The following NALF1 variants were observed in gnomAD, a reference collection of about 807,000 sequenced individuals.
NALF1 encodes family with sequence similarity 155 member A.
In NALF1, 3 loss-of-function variants were observed where a neutral mutation model predicts 48.4. That is an observed-to-expected ratio of 0.06 (90% CI 0.03 to 0.16). The LOEUF is 0.16. Ranked by LOEUF, NALF1 falls within the 10% of genes least tolerant of loss-of-function variation. The probability of loss-of-function intolerance (pLI) is 1.00; values close to 1 mark genes in which losing one functional copy is unlikely to be tolerated. For missense variants in NALF1, 526 were observed against 571.5 expected (o/e 0.92, Z 0.81); for synonymous variants, 262 against 245.7 (o/e 1.07, Z -0.62).
chr13:107,496,844 G>C (rs919786150), intron 1 of NALF1, among the ~76,000 whole-genome samples: 1 of 152,114 alleles, frequency 6.6e-6, no homozygotes, highest in Non-Finnish European at 1.5e-5. Flanking sequence ...AAAGTCATTA[G>C]ATCTTGTGAG....
At chr13:107,669,896 T>C (rs1455225010) in intron 1 of NALF1, among the ~76,000 whole-genome samples, 1 of 152,052 alleles carries the variant, frequency 6.6e-6, no homozygotes, top group Admixed American at 6.6e-5. Context: ...GTCACGGAAT[T>C]ATATGGATAA....
chr13:107,529,821 C>G (rs1876567098), intron 1 of NALF1, among the ~76,000 whole-genome samples: 2 of 151,964 alleles, frequency 1.3e-5, no homozygotes, highest in Non-Finnish European at 2.9e-5. Context: ...CTAAGAGCAA[C>G]AGAATGTTGG....
At chr13:107,243,849 A>G (rs371782558) in intron 1 of NALF1, among the ~76,000 whole-genome samples, 8 of 152,264 alleles carry the variant, frequency 5.3e-5, no homozygotes, top group East Asian at 3.9e-4. Flanking sequence ...CAGAGAAGTG[A>G]TATTCCCATT....
intron 1 of NALF1, among the ~76,000 whole-genome samples, chr13:107,800,733 T>C (rs2138596359): frequency 6.8e-6 from 1 of 147,796 alleles, no homozygotes; most frequent in African/African-American, 2.4e-5. Flanking sequence ...GTTATAATTA[T>C]ATAATATATG....
intron 1 of NALF1, among the ~76,000 whole-genome samples, chr13:107,695,055 C>A (rs1482390153): frequency 6.6e-6 from 1 of 152,102 alleles, no homozygotes; most frequent in Non-Finnish European, 1.5e-5. Flanking sequence ...GGCCTCCCAA[C>A]ACGCTGGGAT....
chr13:107,507,917 T>C (rs889020079), intron 1 of NALF1, among the ~76,000 whole-genome samples: 1 of 152,174 alleles, frequency 6.6e-6, no homozygotes, highest in African/African-American at 2.4e-5. Context: ...GGCTCCACCC[T>C]GTGTCATCAT....
intron 1 of NALF1, among the ~76,000 whole-genome samples, chr13:107,440,140 G>A (rs1481636792): frequency 6.6e-6 from 1 of 152,186 alleles, no homozygotes; most frequent in Admixed American, 6.5e-5. Context: ...GGTTATCAAT[G>A]AGGGGCTTGT....
intron 1 of NALF1, among the ~76,000 whole-genome samples, chr13:107,772,739 T>C (rs1877613813): frequency 6.6e-6 from 1 of 152,218 alleles, no homozygotes; most frequent in African/African-American, 2.4e-5. Flanking sequence ...CGGCCTTGAC[T>C]ATTAGCCTGT....
At chr13:107,411,598 T>C (rs1335619786) in intron 1 of NALF1, among the ~76,000 whole-genome samples, 3 of 152,158 alleles carry the variant, frequency 2.0e-5, no homozygotes, top group African/African-American at 7.2e-5. Flanking sequence ...GAAGCCGTCA[T>C]TGTCGTACTC....
At chr13:107,346,892 T>C (rs1882782710) in intron 1 of NALF1, among the ~76,000 whole-genome samples, 2 of 152,170 alleles carry the variant, frequency 1.3e-5, no homozygotes, top group African/African-American at 2.4e-5. Context: ...CTAAGACAAC[T>C]GCATATTTTT....
At chr13:107,443,734 T>G (rs985515561) in intron 1 of NALF1, among the ~76,000 whole-genome samples, 1 of 152,190 alleles carries the variant, frequency 6.6e-6, no homozygotes, top group Non-Finnish European at 1.5e-5. Flanking sequence ...CAGTATGTAA[T>G]AGGTACTGAG....
At chr13:107,223,319 T>C (rs1227734262) in intron 1 of NALF1, among the ~76,000 whole-genome samples, 1 of 152,110 alleles carries the variant, frequency 6.6e-6, no homozygotes, top group Non-Finnish European at 1.5e-5. Flanking sequence ...TTGAATTCAA[T>C]CAAAACAGTG....
intron 1 of NALF1, among the ~76,000 whole-genome samples, chr13:107,691,616 T>C (rs149254008): frequency 6.0e-4 from 91 of 152,342 alleles, no homozygotes; most frequent in African/African-American, 2.0e-3. Context: ...AGCAAGTATC[T>C]AAAATCCATT....
chr13:107,760,761 C>G (rs1262074574), intron 1 of NALF1, among the ~76,000 whole-genome samples: 1 of 152,116 alleles, frequency 6.6e-6, no homozygotes, highest in Non-Finnish European at 1.5e-5. Flanking sequence ...GATGTGTTTT[C>G]CTCTGAAATT....
At chr13:107,359,307 T>G (rs1016949120) in intron 1 of NALF1, among the ~76,000 whole-genome samples, 13 of 152,080 alleles carry the variant, frequency 8.5e-5, no homozygotes, top group African/African-American at 3.1e-4. Flanking sequence ...CTGATTTATT[T>G]TGTGTCTGCC....
At chr13:107,505,190 G>T (rs1361723681) in intron 1 of NALF1, among the ~76,000 whole-genome samples, 2 of 152,178 alleles carry the variant, frequency 1.3e-5, no homozygotes, top group Admixed American at 1.3e-4. Context: ...TATGTGGAAG[G>T]ATGTTCCTAG....
intron 1 of NALF1, among the ~76,000 whole-genome samples, chr13:107,775,186 C>A (rs1171206561): frequency 6.7e-6 from 1 of 149,006 alleles, no homozygotes; most frequent in Non-Finnish European, 1.5e-5. Context: ...GGTATATCTC[C>A]CAGTGCTATC....
chr13:107,796,760 C>T (rs1280720922), intron 1 of NALF1, among the ~76,000 whole-genome samples: 1 of 151,738 alleles, frequency 6.6e-6, no homozygotes. Flanking sequence ...TATCAGAGTA[C>T]TTTTCTAAAA....
intron 1 of NALF1, among the ~76,000 whole-genome samples, chr13:107,616,627 C>G (rs1054019662): frequency 1.3e-5 from 2 of 152,114 alleles, no homozygotes; most frequent in Non-Finnish European, 2.9e-5. Flanking sequence ...TCTTTTAGTC[C>G]AAAGCAAATG....
Sources: allele counts gnomAD v4.1 joint callset (sites outside exome capture counted in the v4.1 genomes callset), GRCh38; gene constraint gnomAD v4.1.1; transcripts MANE v1.5; gene names NCBI Gene and HGNC (gene_info 2026-07-23, HGNC 2026-07-21).